The following CPNE5 variants were observed in gnomAD, a reference collection of about 807,000 sequenced individuals.
The protein encoded by CPNE5 is copine-5.
Under a neutral mutation model 81.1 loss-of-function variants are expected in CPNE5, and 42 were observed. The observed-to-expected ratio is 0.52, with a 90% CI of 0.40 to 0.67. CPNE5 has a LOEUF of 0.67. Ranked by LOEUF, CPNE5 falls within the 30% of genes least tolerant of loss-of-function variation. The pLI, the probability that CPNE5 is intolerant of heterozygous loss-of-function variation, is 0.00. For synonymous variants in CPNE5, 313 were observed against 321.5 expected (o/e 0.97, Z 0.28); for missense variants, 612 against 815.5 (o/e 0.75, Z 3.04).
At chr6:36,756,218 G>A (rs377169402) in intron 13 of CPNE5, 27 bp downstream of exon 13, 3 of 1,606,912 alleles carry the variant, frequency 1.9e-6, no homozygotes, top group African/African-American at 2.7e-5. Context: ...TCTACACCCG[G>A]CTGCAGAGAC....
At position 36,815,686 on chromosome 6, in the gene CPNE5, G is replaced by A. The variant is rs1668468453; in HGVS notation, c.183+6428C>T. Among the ~76,000 whole-genome samples the A allele has an allele frequency of 2.0e-5, 3 of 152,230 alleles. No homozygotes were observed. In the South Asian group the frequency reaches 6.2e-4, roughly 31 times the overall value. On this transcript the variant is annotated intron_variant, in intron 3 of 20. Transcript: ENST00000244751. ...ACAGTGCCCAACACATGCTCACAGA[G>A]GTTATGTGAAGACACATGTCAAGTT...
chr6:36,816,796 C>T (rs989345369), intron 3 of CPNE5, among the ~76,000 whole-genome samples: 20 of 152,252 alleles, frequency 1.3e-4, no homozygotes, highest in African/African-American at 4.6e-4. Context: ...TGTTTGCTTT[C>T]GAGACAGGGT....
At chr6:36,782,477 G>A (rs977049725) in intron 8 of CPNE5, among the ~76,000 whole-genome samples, 5 of 152,144 alleles carry the variant, frequency 3.3e-5, no homozygotes, top group Non-Finnish European at 5.9e-5. Flanking sequence ...CCACTGGGAG[G>A]GCTGCTGTCT....
At chr6:36,839,882 C>G (rs1333450851), upstream of CPNE5, 3 of 151,160 alleles carry the variant, frequency 2.0e-5, no homozygotes, top group African/African-American at 4.8e-5. The surrounding 1 kb of genome is among the most constrained non-coding windows in gnomAD (Gnocchi z 7.3). Flanking sequence ...CCGGGCTGCG[C>G]CGCCTCTCCC....
At chr6:36,800,233 C>T (rs1461823694) in intron 3 of CPNE5, among the ~76,000 whole-genome samples, 163 bp from the exon 4 acceptor site, 1 of 152,162 alleles carries the variant, frequency 6.6e-6, no homozygotes, top group Non-Finnish European at 1.5e-5. Context: ...AATCAAAGCA[C>T]GAGTTCTTCC....
At chr6:36,743,349 A>C in intron 20 of CPNE5, 2 of 562,018 alleles carry the variant, frequency 3.6e-6, no homozygotes, top group Non-Finnish European at 4.5e-6. Context: ...AGCAACACTA[A>C]AGACACTGCC....
At chr6:36,784,894 A>G (rs1562134770) in intron 8 of CPNE5, among the ~76,000 whole-genome samples, 1 of 151,294 alleles carries the variant, frequency 6.6e-6, no homozygotes, top group Non-Finnish European at 1.5e-5. Context: ...AGCCATGATC[A>G]TGCCACTGCA....
chr6:36,743,484 G>T (rs1055386210), intron 20 of CPNE5, among the ~76,000 whole-genome samples: 14 of 152,228 alleles, frequency 9.2e-5, no homozygotes, highest in Non-Finnish European at 2.1e-4. Flanking sequence ...GTGTGTCCCA[G>T]ATGTGACAGA....
At chr6:36,790,684 C>A (rs1003724813) in intron 8 of CPNE5, among the ~76,000 whole-genome samples, 3 of 152,172 alleles carry the variant, frequency 2.0e-5, no homozygotes, top group Non-Finnish European at 4.4e-5. Context: ...CAGCTCACTG[C>A]AGCCTCTGCC....
chr6:36,762,249 A>C (rs1420562004), intron 12 of CPNE5, among the ~76,000 whole-genome samples: 1 of 142,076 alleles, frequency 7.0e-6, no homozygotes, highest in East Asian at 2.1e-4. Context: ...AAAAAGAGGG[A>C]GAACACACAC....
intron 12 of CPNE5, among the ~76,000 whole-genome samples, chr6:36,757,969 C>G (rs1335320944): frequency 1.3e-5 from 2 of 152,174 alleles, no homozygotes; most frequent in Non-Finnish European, 1.5e-5. Flanking sequence ...ACCCAGCGGC[C>G]TGCAGGGAAC....
In CPNE5 at chr6:36,757,641, G is replaced by A. The variant is rs182199466; in HGVS notation, c.856-1343C>T. 2.0e-5 allele frequency among the ~76,000 whole-genome samples: 3 copies of A among 152,088 alleles called. No individual in the cohort carries two copies. The South Asian group carries it at 6.2e-4, about 31-fold the overall frequency. On this transcript the variant is annotated intron_variant, in intron 12 of 20. Coordinates refer to ENST00000244751, the MANE Select transcript of CPNE5 (RefSeq NM_020939.2). The stretch of plus-strand genomic sequence containing the variant: ...AATCATCTATCACCTATGTTGGAGA[G>A]AGAAGATATGTCCTCAGGGCAAAAA...
chr6:36,801,760 C>A (rs1048509595), intron 3 of CPNE5, among the ~76,000 whole-genome samples: 12 of 152,078 alleles, frequency 7.9e-5, no homozygotes, highest in African/African-American at 2.9e-4. Context: ...TGGCCAAATT[C>A]ATCGATGCAG....
intron 1 of CPNE5, among the ~76,000 whole-genome samples, chr6:36,836,525 C>T (rs1181739454): frequency 6.6e-6 from 1 of 152,208 alleles, no homozygotes; most frequent in Non-Finnish European, 1.5e-5. Flanking sequence ...CTGGAGTTCT[C>T]ACCTGCCAGC....
chr6:36,781,047 C>T (rs1209177875), intron 8 of CPNE5, among the ~76,000 whole-genome samples: 6 of 152,174 alleles, frequency 3.9e-5, no homozygotes, highest in South Asian at 2.1e-4. Context: ...TCTTTAGAAT[C>T]GGCTGATTTC....
intron 1 of CPNE5, among the ~76,000 whole-genome samples, chr6:36,829,130 C>T (rs1772768045): frequency 1.3e-5 from 2 of 152,166 alleles, no homozygotes; most frequent in Non-Finnish European, 2.9e-5. Context: ...CTACCCTTGC[C>T]CACCACTGCT....
intron 13 of CPNE5, 37 bp downstream of exon 13, chr6:36,756,208 T>A (rs752500852): frequency 6.3e-7 from 1 of 1,596,414 alleles, no homozygotes; most frequent in South Asian, 1.1e-5. Flanking sequence ...GCTCAGAATG[T>A]CTACACCCGG....
chr6:36,803,203 G>A (rs1770283450), intron 3 of CPNE5, among the ~76,000 whole-genome samples: 1 of 152,108 alleles, frequency 6.6e-6, no homozygotes. Flanking sequence ...TGTGGCCTTG[G>A]TCTGGCCTCA....
In CPNE5 at chr6:36,743,712, G is replaced by T; in HGVS notation, c.1540C>A (p.Leu514Met). The T allele has an allele frequency of 6.2e-7, 1 of 1,613,398 alleles. No individual in the cohort carries two copies. The change falls in exon 20 of 21, where the codon CTG becomes ATG. Residue 514 changes from leucine to methionine, a missense_variant. Coordinates refer to ENST00000244751, the MANE Select transcript of CPNE5 (RefSeq NM_020939.2). Reference protein sequence around the residue: ...DDVRISSRGKLAERDIVQFVP... With the variant: ...DDVRISSRGKMAERDIVQFVP... ...ACCTGGACGATGTCGCGTTCAGCCA[G>T]CTTCCCCCGGGAGGAGATCCGCACG...
Sources: gnomAD v4.1 joint callset for allele counts (sites outside exome capture counted in the v4.1 genomes callset) on GRCh38, gnomAD v4.1.1 for gene constraint, Gnocchi (gnomAD v3.1) non-coding constraint, MANE v1.5 for transcripts, NCBI Gene and HGNC (gene_info 2026-07-23, HGNC 2026-07-21) for gene names.